Variants in PARD3 observed in about 807,000 individuals in gnomAD.
PARD3 encodes par-3 family cell polarity regulator, also known as partitioning defective 3 homolog.
A neutral mutation model predicts 155.4 loss-of-function variants in PARD3; 75 were observed. The ratio of observed to expected loss-of-function variants is 0.48; its 90% CI spans 0.40 to 0.58. The LOEUF (loss-of-function observed/expected upper bound fraction) is 0.58, where lower values mean the gene tolerates loss of function less well. Ranked by LOEUF, PARD3 falls within the 20% of genes least tolerant of loss-of-function variation. The pLI, the probability that PARD3 is intolerant of heterozygous loss-of-function variation, is 0.00. For synonymous variants in PARD3, 576 were observed against 610.5 expected, an observed-to-expected ratio of 0.94 and a Z score of 0.83; for missense variants, 1,642 against 1,721.7, an observed-to-expected ratio of 0.95 and a Z score of 0.82.
chr10:34,350,880 G>A lies in PARD3; in HGVS notation c.2068-2765C>T, dbSNP rs1838003829. ...CGGCAAGATAACCCACACTCGGTAG[G>A]AGTGTAAAGTGATACAGTCTTTTGC... On this transcript the variant is annotated intron_variant, in intron 14 of 24. Transcript: ENST00000374788. Among the ~76,000 whole-genome samples, 3 of 152,220 alleles carry A rather than the reference G, an allele frequency of 2.0e-5. No homozygotes were observed. The South Asian group carries it at 6.2e-4, about 32-fold the overall frequency.
intron 5 of PARD3, among the ~76,000 whole-genome samples, chr10:34,442,796 A>C (rs1378660790): frequency 6.6e-6 from 1 of 152,228 alleles, no homozygotes; most frequent in East Asian, 1.9e-4. Flanking sequence ...GCTTGAGCAC[A>C]GAAGTTTGAA....
Position 34,265,948 on chromosome 10 carries a change from C to T in PARD3, c.3419+3709G>A, listed in dbSNP as rs544291302. On this transcript the variant is annotated intron_variant, in intron 22 of 24. Coordinates refer to ENST00000374788, the MANE Select transcript of PARD3 (RefSeq NM_001184785.2). Reference sequence around the variant, plus strand: ...AAGACTGTGGGGGTCGGCAAACAAACCCAAATGAACCTGCCATGGAGCAGC... The same window carrying T: ...AAGACTGTGGGGGTCGGCAAACAAATCCAAATGAACCTGCCATGGAGCAGC... Among the ~76,000 whole-genome samples, 7 of 152,238 alleles carry T rather than the reference C, an allele frequency of 4.6e-5. No individual in the cohort carries two copies. In the South Asian group the frequency reaches 1.2e-3, roughly 27 times the overall value.
chr10:34,684,866 T>TACAC (rs1267593715), intron 2 of PARD3, among the ~76,000 whole-genome samples: 8 of 103,542 alleles, frequency 7.7e-5, no homozygotes, highest in African/African-American at 2.8e-4. Flanking sequence ...CATGTATATA[T>TACAC]ATACACACAC....
chr10:34,356,874 A>AT (rs773005873), intron 14 of PARD3, among the ~76,000 whole-genome samples: 17 of 152,342 alleles, frequency 1.1e-4, no homozygotes, highest in Non-Finnish European at 2.4e-4. Context: ...CACTCATAAG[A>AT]TTTTTTGATA....
intron 3 of PARD3, among the ~76,000 whole-genome samples, chr10:34,485,766 C>T (rs1014163878): frequency 2.0e-5 from 3 of 151,914 alleles, no homozygotes; most frequent in African/African-American, 7.3e-5. Context: ...AGACTCCTTG[C>T]GAGAGAGATT....
At chr10:34,797,069 C>T (rs1842342423) in intron 1 of PARD3, among the ~76,000 whole-genome samples, 1 of 152,212 alleles carries the variant, frequency 6.6e-6, no homozygotes, top group Non-Finnish European at 1.5e-5. Flanking sequence ...GGCAGCACAA[C>T]CAGGAGCTTA....
intron 1 of PARD3, among the ~76,000 whole-genome samples, chr10:34,811,430 G>C (rs983269486): frequency 2.0e-5 from 3 of 152,112 alleles, no homozygotes; most frequent in Non-Finnish European, 4.4e-5. Context: ...CAGACCCAGA[G>C]CCCATCTGCC....
intron 3 of PARD3, among the ~76,000 whole-genome samples, chr10:34,482,994 CAA>C (rs11362384): frequency 1.1e-4 from 16 of 143,046 alleles, no homozygotes; most frequent in African/African-American, 3.3e-4. Flanking sequence ...ACTAAAAATA[CAA>C]AAAAAAAAAA....
intron 2 of PARD3, among the ~76,000 whole-genome samples, chr10:34,544,025 G>A (rs2083850874): frequency 6.6e-6 from 1 of 152,160 alleles, no homozygotes; most frequent in Admixed American, 6.5e-5. Flanking sequence ...AGACTTGGTT[G>A]ACAATTCTAG....
At chr10:34,402,165 CA>C (rs764259179) in intron 5 of PARD3, among the ~76,000 whole-genome samples, 1 of 151,696 alleles carries the variant, frequency 6.6e-6, no homozygotes, top group South Asian at 2.1e-4. Flanking sequence ...GGAAAGAAAA[CA>C]AAAAAACAAA....
At chr10:34,591,658 C>T (rs997523541) in intron 2 of PARD3, among the ~76,000 whole-genome samples, 1 of 152,078 alleles carries the variant, frequency 6.6e-6, no homozygotes, top group Non-Finnish European at 1.5e-5. Flanking sequence ...AATCAGGGGA[C>T]GAGAATTCCC....
chr10:34,243,637 A>T (rs970193171), intron 22 of PARD3, among the ~76,000 whole-genome samples: 2 of 152,154 alleles, frequency 1.3e-5, no homozygotes, highest in African/African-American at 4.8e-5. Flanking sequence ...GGAGTTCCAG[A>T]CCAGCCTGGC....
intron 5 of PARD3, among the ~76,000 whole-genome samples, chr10:34,447,286 C>G (rs959639566): frequency 6.6e-6 from 1 of 151,618 alleles, no homozygotes; most frequent in Non-Finnish European, 1.5e-5. Flanking sequence ...TTGAGGCCAC[C>G]CTGGCCAACA....
intron 22 of PARD3, among the ~76,000 whole-genome samples, chr10:34,156,940 G>C (rs1035299526): frequency 1.3e-5 from 2 of 152,084 alleles, no homozygotes; most frequent in South Asian, 2.1e-4. Flanking sequence ...TCTTTCAGTG[G>C]AAAAAAGGAG....
rs527963843 is a variant in PARD3 at position 34,320,186 on chromosome 10, G to A, written c.2834-2848C>T. On this transcript the variant is annotated intron_variant, in intron 19 of 24. Transcript: ENST00000374788. ...ATCCTGACCAAAACTTTATCTAATC[G>A]CCAGGTATCACCATTCCTCTAGCTT... Among the ~76,000 whole-genome samples the A allele has an allele frequency of 9.2e-5, 14 of 152,144 alleles. No individual in the cohort carries two copies. In the South Asian group the frequency reaches 1.5e-3, roughly 16 times the overall value.
At chr10:34,471,260 T>C (rs1037347118) in intron 3 of PARD3, among the ~76,000 whole-genome samples, 1 of 152,198 alleles carries the variant, frequency 6.6e-6, no homozygotes, top group Non-Finnish European at 1.5e-5. Context: ...TTGCTTGCAA[T>C]TGCTATAACA....
chr10:34,384,504 T>A (rs1026096126), intron 7 of PARD3, among the ~76,000 whole-genome samples: 8 of 152,218 alleles, frequency 5.3e-5, no homozygotes, highest in African/African-American at 1.9e-4. Flanking sequence ...GAACAAGCTA[T>A]AACACTCTCT....
At chr10:34,209,223 T>G (rs1951623155) in intron 22 of PARD3, among the ~76,000 whole-genome samples, 2 of 152,202 alleles carry the variant, frequency 1.3e-5, no homozygotes, top group African/African-American at 4.8e-5. Context: ...AATGCACTGG[T>G]TGTTTGAATG....
intron 2 of PARD3, among the ~76,000 whole-genome samples, chr10:34,689,677 T>C (rs1007281413): frequency 2.6e-5 from 4 of 152,190 alleles, no homozygotes; most frequent in Non-Finnish European, 5.9e-5. Context: ...GATAAAAGAT[T>C]CTAGAAAATA....
Sources: gnomAD v4.1 joint callset for allele counts (sites outside exome capture counted in the v4.1 genomes callset) on GRCh38, gnomAD v4.1.1 for gene constraint, MANE v1.5 for transcripts, NCBI Gene and HGNC (gene_info 2026-07-23, HGNC 2026-07-21) for gene names.